LARS2: variants seen among roughly 807,000 people sequenced by gnomAD.
The protein encoded by LARS2 is leucyl-tRNA synthetase 2, mitochondrial.
LARS2 carries 81 observed loss-of-function variants against 116.6 expected under a neutral mutation model. That is an observed-to-expected ratio of 0.69 (90% CI 0.58 to 0.84). The LOEUF is 0.84. LARS2 is among the 40% of genes least tolerant of loss of function. The probability of loss-of-function intolerance (pLI) is 0.00; values close to 1 mark genes in which losing one functional copy is unlikely to be tolerated. For synonymous variants in LARS2, 396 were observed against 407.2 expected (o/e 0.97, Z 0.33); for missense variants, 968 against 1,114.5 (o/e 0.87, Z 1.87).
intron 7 of LARS2, among the ~76,000 whole-genome samples, chr3:45,448,953 A>G (rs1177727908): frequency 2.0e-5 from 3 of 152,218 alleles, no homozygotes; most frequent in Non-Finnish European, 4.4e-5. Flanking sequence ...TGTTCCCAAC[A>G]CAATAGAATA....
intron 7 of LARS2, among the ~76,000 whole-genome samples, chr3:45,452,160 A>G (rs1318935461): frequency 1.3e-5 from 2 of 152,040 alleles, no homozygotes; most frequent in Admixed American, 6.5e-5. Flanking sequence ...CTTCCTTTCC[A>G]TTTTAGTTGC....
At position 45,496,265 on chromosome 3, in the gene LARS2, T is replaced by G; in HGVS notation, c.1524-10T>G. 1 of 1,602,546 alleles carries G rather than the reference T, an allele frequency of 6.2e-7. No individual in the cohort carries two copies. Among genetic ancestry groups the G allele is most frequent in the African/African-American group, 1.3e-5 (1 of 74,782 alleles). ...AAGAAACCAATTGATGAATTTCATT[T>G]CTTTCTTAGGTGCAAGGGAGCAGCC... On this transcript the variant is annotated splice_polypyrimidine_tract_variant and intron_variant, in intron 13 of 21. Transcript: ENST00000645846.
chr3:45,484,630 A>AAATATATAT (rs1553634443), intron 10 of LARS2, among the ~76,000 whole-genome samples: 1 of 9,746 alleles, frequency 1.0e-4, no homozygotes, highest in East Asian at 8.5e-3. Context: ...AAAAAAAAAA[A>AAATATATAT]ATATATATAT....
intron 21 of LARS2, among the ~76,000 whole-genome samples, chr3:45,545,910 C>T (rs1482806386): frequency 1.3e-5 from 2 of 151,874 alleles, no homozygotes; most frequent in African/African-American, 4.8e-5. Flanking sequence ...GTGAGCTGGT[C>T]CCTTTACACA....
intron 3 of LARS2, among the ~76,000 whole-genome samples, chr3:45,397,302 GA>G (rs1387981846): frequency 6.6e-5 from 10 of 152,048 alleles, no homozygotes; most frequent in African/African-American, 2.2e-4. Flanking sequence ...TGTCACAGAG[GA>G]AAATGACTTA....
chr3:45,467,160 T>G (rs1274837779), intron 8 of LARS2, among the ~76,000 whole-genome samples: 4 of 152,212 alleles, frequency 2.6e-5, no homozygotes, highest in Non-Finnish European at 4.4e-5. Flanking sequence ...TGTCATTATT[T>G]ACTCCAGTGC....
At chr3:45,546,619 A>AG (rs1055264975) in intron 21 of LARS2, among the ~76,000 whole-genome samples, 5 of 152,176 alleles carry the variant, frequency 3.3e-5, no homozygotes, top group African/African-American at 1.2e-4. Context: ...AATAAGAGCT[A>AG]GTGAAAGTAA....
At chr3:45,533,105 T>G (rs935974278) in intron 20 of LARS2, among the ~76,000 whole-genome samples, 59 of 150,310 alleles carry the variant, frequency 3.9e-4, no homozygotes, top group Non-Finnish European at 7.1e-4. Context: ...GCAGGAAACA[T>G]GGCTCTTTCA....
chr3:45,543,467 T>A (rs1700827198), intron 21 of LARS2, among the ~76,000 whole-genome samples: 1 of 149,542 alleles, frequency 6.7e-6, no homozygotes. Context: ...TTTTTTATTT[T>A]TTTATTTTTT....
At chr3:45,509,494 T>C (rs931397896) in intron 15 of LARS2, 45 of 152,282 alleles carry the variant, frequency 3.0e-4, no homozygotes, top group African/African-American at 1.1e-3. Flanking sequence ...AAATCACATT[T>C]GGTACGTCTT....
intron 6 of LARS2, chr3:45,421,571 G>T (rs1394296346): frequency 6.6e-6 from 1 of 152,116 alleles, no homozygotes; most frequent in Non-Finnish European, 1.5e-5. Flanking sequence ...GCTCTAAAAG[G>T]CAGGTACTTT....
At chr3:45,534,040 A>G (rs1014681300) in intron 20 of LARS2, among the ~76,000 whole-genome samples, 1 of 152,188 alleles carries the variant, frequency 6.6e-6, no homozygotes, top group African/African-American at 2.4e-5. Flanking sequence ...AAAGCGGGAG[A>G]GAGCAGTTGG....
chr3:45,399,786 C>T (rs1339109016), intron 3 of LARS2, among the ~76,000 whole-genome samples: 3 of 151,732 alleles, frequency 2.0e-5, no homozygotes, highest in Non-Finnish European at 4.4e-5. Context: ...ATCCTTCACC[C>T]CCCTTTCCAC....
In LARS2 at chr3:45,458,810, G is replaced by A. The variant is rs764649976; in HGVS notation, c.674G>A (p.Cys225Tyr). The change falls in exon 8 of 22, where the codon TGT becomes TAT. Residue 225 changes from cysteine to tyrosine, a missense_variant. Transcript: ENST00000645846. ...AATGAGCAGGTGGATGAACATGGCT[G>A]TTCATGGCGTTCTGGAGCAAAGGTG... ...LANEQVDEHG[C>Y]SWRSGAKVEQ... 2.5e-6 allele frequency: 4 copies of A among 1,613,994 alleles called. No homozygotes were observed. In the South Asian group the frequency reaches 4.4e-5, roughly 18 times the overall value.
At chr3:45,463,196 TAG>T (rs1484960235) in intron 8 of LARS2, among the ~76,000 whole-genome samples, 1 of 152,166 alleles carries the variant, frequency 6.6e-6, no homozygotes, top group East Asian at 1.9e-4. Context: ...GAGAGGCAAA[TAG>T]AGAGAAGGCC....
chr3:45,392,268 C>T (rs1697966994), intron 2 of LARS2, among the ~76,000 whole-genome samples: 1 of 151,826 alleles, frequency 6.6e-6, no homozygotes, highest in Non-Finnish European at 1.5e-5. Context: ...TTTAAAATAG[C>T]CAAGCCCAAC....
At chr3:45,391,532 C>T (rs1697949426) in intron 1 of LARS2, 51 bp from the exon 2 acceptor site, 1 of 149,900 alleles carries the variant, frequency 6.7e-6, no homozygotes, top group African/African-American at 2.4e-5. Flanking sequence ...TTTTATGACA[C>T]TTTAAAAATA....
At chr3:45,420,088 CATTG>C (rs1394746584) in intron 6 of LARS2, among the ~76,000 whole-genome samples, 2 of 152,316 alleles carry the variant, frequency 1.3e-5, no homozygotes, top group Middle Eastern at 3.4e-3. Flanking sequence ...AGTAATTAGA[CATTG>C]ATTGACCATT....
At chr3:45,503,061 TTTTTGTAGGAACTC>T (rs1335673733) in intron 15 of LARS2, among the ~76,000 whole-genome samples, 7 of 151,908 alleles carry the variant, frequency 4.6e-5, no homozygotes, top group Non-Finnish European at 8.8e-5. Context: ...AACCCTTTTT[TTTTTGTAGGAACTC>T]TTTGGAACCT....
Sources: allele counts gnomAD v4.1 joint callset (sites outside exome capture counted in the v4.1 genomes callset), GRCh38; gene constraint gnomAD v4.1.1; transcripts MANE v1.5; gene names NCBI Gene and HGNC (gene_info 2026-07-23, HGNC 2026-07-21).